Variants in TMEM132C observed in about 807,000 individuals in gnomAD.
TMEM132C encodes the protein protein phosphatase 1, regulatory subunit 152.
In TMEM132C, 29 loss-of-function variants were observed where a neutral mutation model predicts 61.4. The observed-to-expected ratio is 0.47, with a 90% confidence interval of 0.35 to 0.64. The LOEUF (loss-of-function observed/expected upper bound fraction) is 0.64. Among genes scored for constraint, TMEM132C ranks in the 30% least tolerant of loss-of-function variants. TMEM132C has a pLI of 0.00. For missense variants in TMEM132C, 1,408 were observed against 1,476.9 expected (o/e 0.95, Z 0.76); for synonymous variants, 656 against 633.1 (o/e 1.04, Z -0.54).
intron 2 of TMEM132C, among the ~76,000 whole-genome samples, chr12:128,448,010 A>T (rs1391891103): frequency 1.3e-5 from 2 of 152,164 alleles, no homozygotes; most frequent in Non-Finnish European, 2.9e-5. Flanking sequence ...AGTGCTTTTT[A>T]GAAAAGCATA....
At chr12:128,465,389 G>A (rs1226932251) in intron 2 of TMEM132C, among the ~76,000 whole-genome samples, 1 of 151,982 alleles carries the variant, frequency 6.6e-6, no homozygotes, top group East Asian at 1.9e-4. Context: ...TAGTAGAGAC[G>A]GGGTTTTTGC....
chr12:128,645,414 C>A (rs1954188661), intron 4 of TMEM132C, among the ~76,000 whole-genome samples: 1 of 152,166 alleles, frequency 6.6e-6, no homozygotes, highest in Non-Finnish European at 1.5e-5. Flanking sequence ...CTGCCCAGGC[C>A]CAGTCATGGC....
chr12:128,581,290 A>G (rs1409345706), intron 3 of TMEM132C, among the ~76,000 whole-genome samples: 9 of 152,002 alleles, frequency 5.9e-5, no homozygotes, highest in Non-Finnish European at 8.8e-5. Flanking sequence ...TTAAACACTA[A>G]CAAAAGAAAT....
At chr12:128,587,978 C>A (rs1484543271) in intron 3 of TMEM132C, among the ~76,000 whole-genome samples, 5 of 152,156 alleles carry the variant, frequency 3.3e-5, no homozygotes, top group African/African-American at 1.2e-4. Context: ...GTGGCAGCAT[C>A]CAACTCTTAA....
intron 2 of TMEM132C, among the ~76,000 whole-genome samples, chr12:128,443,318 G>A (rs1869863003): frequency 6.6e-6 from 1 of 152,106 alleles, no homozygotes; most frequent in Non-Finnish European, 1.5e-5. Context: ...ATTGGGTACA[G>A]TGTACACTGC....
chr12:128,568,670 T>C lies in TMEM132C; in HGVS notation c.1121+24567T>C, dbSNP rs114693270. Among the ~76,000 whole-genome samples the C allele has an allele frequency of 6.0e-3, 920 of 152,242 alleles. 9 individuals carry two copies. Among genetic ancestry groups the C allele is most frequent in the African/African-American group, 0.021 (864 of 41,552 alleles). On this transcript the variant is annotated intron_variant, in intron 3 of 8. Transcript: ENST00000435159. ...GGGATTTCAACTAGCTCAGAATCTA[T>C]GTTCTTAACCTCTCCTGATACTGAC...
chr12:128,657,362 TGTTTGGTAGCTA>T (rs1157692348), intron 4 of TMEM132C, among the ~76,000 whole-genome samples: 1 of 152,170 alleles, frequency 6.6e-6, no homozygotes, highest in Non-Finnish European at 1.5e-5. Flanking sequence ...ATTTCATCAT[TGTTTGGTAGCTA>T]GAAAAGCTCT....
At chr12:128,351,653 C>G (rs1054818476) in intron 1 of TMEM132C, among the ~76,000 whole-genome samples, 2 of 151,930 alleles carry the variant, frequency 1.3e-5, no homozygotes, top group Admixed American at 1.3e-4. Context: ...GTGTATAGAT[C>G]ACATAGTGAG....
chr12:128,691,058 A>G (rs1044908523), intron 5 of TMEM132C, among the ~76,000 whole-genome samples: 3 of 152,234 alleles, frequency 2.0e-5, no homozygotes, highest in African/African-American at 7.2e-5. Context: ...TCCAAGCTAC[A>G]TGATCTAGAC....
chr12:128,569,994 T>C (rs1349424194), intron 3 of TMEM132C, among the ~76,000 whole-genome samples: 1 of 152,222 alleles, frequency 6.6e-6, no homozygotes, highest in Non-Finnish European at 1.5e-5. Flanking sequence ...TTGATCACTT[T>C]CGATGCTCTT....
intron 1 of TMEM132C, among the ~76,000 whole-genome samples, chr12:128,286,335 T>C (rs1871072488): frequency 6.6e-6 from 1 of 152,178 alleles, no homozygotes; most frequent in Non-Finnish European, 1.5e-5. Flanking sequence ...CAAACTCAAA[T>C]GCCTCCAGGG....
At chr12:128,572,790 C>G (rs569983649) in intron 3 of TMEM132C, among the ~76,000 whole-genome samples, 3 of 152,250 alleles carry the variant, frequency 2.0e-5, no homozygotes, top group African/African-American at 7.2e-5. Context: ...TCCGATTGGC[C>G]AGGCCTGGGT....
intron 4 of TMEM132C, among the ~76,000 whole-genome samples, chr12:128,623,933 C>T (rs901859048): frequency 4.6e-5 from 7 of 152,096 alleles, no homozygotes; most frequent in Admixed American, 3.3e-4. Context: ...GAAAAATCAG[C>T]GGGAATGACT....
At chr12:128,648,720 G>A (rs143130914) in intron 4 of TMEM132C, among the ~76,000 whole-genome samples, 4,795 of 141,200 alleles carry the variant, frequency 0.034, 186 homozygotes, top group African/African-American at 0.11. Context: ...GTCCATCAGC[G>A]TTGGATGAGT....
intron 1 of TMEM132C, among the ~76,000 whole-genome samples, chr12:128,358,930 GTAT>G (rs1873606725): frequency 6.6e-6 from 1 of 152,172 alleles, no homozygotes; most frequent in African/African-American, 2.4e-5. Context: ...ACAAATGGTA[GTAT>G]TATAGCAAAC....
intron 4 of TMEM132C, among the ~76,000 whole-genome samples, chr12:128,657,015 ATC>A (rs1954332442): frequency 6.6e-6 from 1 of 152,036 alleles, no homozygotes; most frequent in Non-Finnish European, 1.5e-5. Context: ...CTTCTCCAAA[ATC>A]TCTTCCTAGA....
chr12:128,366,877 G>A (rs1354003743), intron 1 of TMEM132C, among the ~76,000 whole-genome samples: 2 of 152,174 alleles, frequency 1.3e-5, no homozygotes, highest in African/African-American at 2.4e-5. Context: ...TGACATTCCT[G>A]TGGACAGAGG....
chr12:128,610,451 T>A (rs1323529606), intron 3 of TMEM132C, among the ~76,000 whole-genome samples: 2 of 152,216 alleles, frequency 1.3e-5, no homozygotes, highest in East Asian at 3.8e-4. Context: ...AACTTTATTG[T>A]GACTGTTGGG....
At chr12:128,442,997 T>C (rs893134028) in intron 2 of TMEM132C, among the ~76,000 whole-genome samples, 1 of 152,204 alleles carries the variant, frequency 6.6e-6, no homozygotes, top group African/African-American at 2.4e-5. Flanking sequence ...ATTGCCGTCA[T>C]AGGAGAAGTT....
Sources: allele counts gnomAD v4.1 joint callset (sites outside exome capture counted in the v4.1 genomes callset), GRCh38; gene constraint gnomAD v4.1.1; transcripts MANE v1.5; gene names NCBI Gene and HGNC (gene_info 2026-07-23, HGNC 2026-07-21).